THRB: variants seen among roughly 807,000 people sequenced by gnomAD.
The protein encoded by THRB is nuclear receptor subfamily 1 group A member 2.
A neutral mutation model predicts 47.8 loss-of-function variants in THRB; 12 were observed. That is an observed-to-expected ratio of 0.25 (90% CI 0.16 to 0.41). The LOEUF is 0.41. Among genes scored for constraint, THRB ranks in the 10% least tolerant of loss-of-function variants. The pLI is 1.00. For synonymous variants in THRB, 218 were observed against 212.2 expected (o/e 1.03, Z -0.24); for missense variants, 348 against 589.2 (o/e 0.59, Z 4.24).
intron 1 of THRB, among the ~76,000 whole-genome samples, chr3:24,445,395 A>C (rs2071967708): frequency 6.6e-6 from 1 of 152,136 alleles, no homozygotes; most frequent in Non-Finnish European, 1.5e-5. Flanking sequence ...ATTTGACTGG[A>C]GTAGCAAAGG....
chr3:24,158,940 G>A (rs1031094058), intron 5 of THRB, among the ~76,000 whole-genome samples: 2 of 151,854 alleles, frequency 1.3e-5, no homozygotes, highest in African/African-American at 2.4e-5. Flanking sequence ...TTTAAAAGAC[G>A]GCATGAATTA....
At chr3:24,422,420 C>T (rs554639119) in intron 1 of THRB, among the ~76,000 whole-genome samples, 2 of 151,878 alleles carry the variant, frequency 1.3e-5, no homozygotes, top group African/African-American at 2.4e-5. Flanking sequence ...TGGAAAAAGC[C>T]ATGTCAGCCC....
At chr3:24,347,132 C>T (rs2063069100) in intron 1 of THRB, among the ~76,000 whole-genome samples, 2 of 151,892 alleles carry the variant, frequency 1.3e-5, no homozygotes, top group South Asian at 4.1e-4. Flanking sequence ...AAGCAGTACC[C>T]TTCTAATTAA....
At chr3:24,435,484 A>G (rs1157239747) in intron 1 of THRB, among the ~76,000 whole-genome samples, 1 of 152,178 alleles carries the variant, frequency 6.6e-6, no homozygotes, top group Non-Finnish European at 1.5e-5. Flanking sequence ...GGCACCACAG[A>G]GCCACATCCA....
At chr3:24,451,596 G>A (rs1211112515) in intron 1 of THRB, among the ~76,000 whole-genome samples, 7 of 152,132 alleles carry the variant, frequency 4.6e-5, no homozygotes, top group African/African-American at 1.4e-4. Flanking sequence ...TCCTGGTTCA[G>A]GGACCTCTAT....
At chr3:24,372,625 A>G (rs943500488) in intron 1 of THRB, among the ~76,000 whole-genome samples, 5 of 152,086 alleles carry the variant, frequency 3.3e-5, no homozygotes, top group African/African-American at 1.2e-4. Context: ...TCGGAGATCA[A>G]CAGCTCATTT....
intron 5 of THRB, among the ~76,000 whole-genome samples, chr3:24,164,200 TTTATTTTTCAGTATC>T (rs1006936518): frequency 3.3e-5 from 5 of 152,182 alleles, no homozygotes; most frequent in African/African-American, 9.7e-5. Context: ...CCTCCCTTAT[TTTATTTTTCAGTATC>T]TTATTTTTCA....
intron 3 of THRB, among the ~76,000 whole-genome samples, chr3:24,256,163 G>A (rs2051258980): frequency 6.6e-6 from 1 of 152,158 alleles, no homozygotes; most frequent in Admixed American, 6.5e-5. Flanking sequence ...GAGACAAGAA[G>A]GACAGAGTAA....
intron 1 of THRB, among the ~76,000 whole-genome samples, chr3:24,452,654 CA>C (rs2072777199): frequency 6.6e-6 from 1 of 151,950 alleles, no homozygotes; most frequent in Non-Finnish European, 1.5e-5. Context: ...GGTGCTCAAG[CA>C]GAAACGTGGG....
chr3:24,418,720 T>C (rs2068970299), intron 1 of THRB, among the ~76,000 whole-genome samples: 1 of 151,888 alleles, frequency 6.6e-6, no homozygotes, highest in Non-Finnish European at 1.5e-5. Context: ...ATTATGTAAT[T>C]CTAATACAAA....
intron 3 of THRB, among the ~76,000 whole-genome samples, chr3:24,257,551 C>G (rs1292263148): frequency 6.6e-6 from 1 of 152,142 alleles, no homozygotes; most frequent in Non-Finnish European, 1.5e-5. Flanking sequence ...CAAGTGTTGG[C>G]AAATTTTATC....
At chr3:24,345,905 A>G (rs1039405394) in intron 1 of THRB, among the ~76,000 whole-genome samples, 2 of 152,244 alleles carry the variant, frequency 1.3e-5, no homozygotes, top group Middle Eastern at 6.8e-3. Context: ...TTTAAACACA[A>G]TTTATTTTAT....
chr3:24,304,316 A>G (rs1341563207), intron 2 of THRB, among the ~76,000 whole-genome samples: 2 of 152,148 alleles, frequency 1.3e-5, no homozygotes, highest in Non-Finnish European at 2.9e-5. Flanking sequence ...TTTTAAAAGT[A>G]GATATTTTGA....
intron 9 of THRB, among the ~76,000 whole-genome samples, chr3:24,128,713 A>T (rs1417689391): frequency 7.2e-6 from 1 of 137,952 alleles, no homozygotes; most frequent in Admixed American, 7.5e-5. Context: ...TTCTAATTCC[A>T]TATTACTTAC....
At chr3:24,316,286 T>C (rs1229787596) in intron 2 of THRB, among the ~76,000 whole-genome samples, 1 of 152,236 alleles carries the variant, frequency 6.6e-6, no homozygotes, top group Non-Finnish European at 1.5e-5. Context: ...GCCTGAATCA[T>C]AGGACTATCA....
chr3:24,215,075 A>G (rs888494214), intron 4 of THRB, among the ~76,000 whole-genome samples: 3 of 152,224 alleles, frequency 2.0e-5, no homozygotes, highest in African/African-American at 7.2e-5. Flanking sequence ...AGGGATGAAC[A>G]TATCTTCACA....
At chr3:24,479,982 T>C (rs1260781875) in intron 1 of THRB, among the ~76,000 whole-genome samples, 1 of 152,120 alleles carries the variant, frequency 6.6e-6, no homozygotes, top group Non-Finnish European at 1.5e-5. Context: ...CTCCCTTGCC[T>C]CTAGGATGGG....
At position 24,375,393 on chromosome 3, in the gene THRB, ATAGT is replaced by A. The variant is rs1261305499; in HGVS notation, c.-260-38026_-260-38023del. Among the ~76,000 whole-genome samples the A allele has an allele frequency of 6.9e-3, 837 of 120,774 alleles. 7 individuals are homozygous for A. Among genetic ancestry groups the A allele is most frequent in the African/African-American group, 0.021 (782 of 37,832 alleles). The allele number at this position is 120,774 out of a possible 152,430, so 79.2% of individuals were successfully genotyped here. On this transcript the variant is annotated intron_variant, in intron 1 of 10. Coordinates refer to ENST00000646209, the MANE Select transcript of THRB (RefSeq NM_001354712.2). ...TTTAGACATATAATATTAATATATTATAGTTAGACATATAATATTAATATATTAT... is the reference window on the plus strand; with the variant it reads ...TTTAGACATATAATATTAATATATTATAGACATATAATATTAATATATTAT...
At chr3:24,178,477 T>C (rs992630761) in intron 5 of THRB, among the ~76,000 whole-genome samples, 1 of 152,106 alleles carries the variant, frequency 6.6e-6, no homozygotes, top group African/African-American at 2.4e-5. Context: ...GGCAACAAAG[T>C]GAGACCTTGT....
Sources: allele counts gnomAD v4.1 joint callset (sites outside exome capture counted in the v4.1 genomes callset), GRCh38; gene constraint gnomAD v4.1.1; transcripts MANE v1.5; gene names NCBI Gene and HGNC (gene_info 2026-07-23, HGNC 2026-07-21).